Variants in FSTL5 observed in about 807,000 individuals in gnomAD.
The protein encoded by FSTL5 is follistatin-related protein 5.
A neutral mutation model predicts 89.1 loss-of-function variants in FSTL5; 62 were observed. That is an observed-to-expected ratio of 0.70 (90% confidence interval 0.57 to 0.86). The LOEUF is 0.86. Ranked by LOEUF, FSTL5 falls within the 40% of genes least tolerant of loss-of-function variation. The probability of loss-of-function intolerance (pLI) is 0.00; values close to 1 mark genes in which losing one functional copy is unlikely to be tolerated. For missense variants in FSTL5, 1,057 were observed against 1,001.6 expected (o/e 1.06, Z -0.75); for synonymous variants, 383 against 346.2 (o/e 1.11, Z -1.18).
At chr4:162,074,959 C>T (rs768957591) in intron 2 of FSTL5, among the ~76,000 whole-genome samples, 1 of 151,598 alleles carries the variant, frequency 6.6e-6, no homozygotes, top group Non-Finnish European at 1.5e-5. Context: ...AATAAAGTGT[C>T]GAATAGCTCA....
At chr4:161,776,729 T>C (rs1002566226) in intron 4 of FSTL5, among the ~76,000 whole-genome samples, 2 of 151,830 alleles carry the variant, frequency 1.3e-5, no homozygotes, top group African/African-American at 4.8e-5. Context: ...AAATACATTA[T>C]GTACATAAAT....
chr4:161,401,883 G>A (rs930896137), intron 15 of FSTL5, among the ~76,000 whole-genome samples: 1 of 152,038 alleles, frequency 6.6e-6, no homozygotes, highest in Non-Finnish European at 1.5e-5. Flanking sequence ...CACTTGAATG[G>A]AAATTATATT....
intron 2 of FSTL5, among the ~76,000 whole-genome samples, chr4:162,036,150 A>G (rs1422052813): frequency 1.3e-5 from 2 of 152,072 alleles, no homozygotes; most frequent in Non-Finnish European, 2.9e-5. Flanking sequence ...TTCTATTGCT[A>G]AGGATTTACA....
intron 3 of FSTL5, among the ~76,000 whole-genome samples, chr4:161,936,349 T>C (rs1734431997): frequency 6.6e-6 from 1 of 152,216 alleles, no homozygotes; most frequent in South Asian, 2.1e-4. Flanking sequence ...TAATTTACTA[T>C]GGTATATTGA....
intron 4 of FSTL5, among the ~76,000 whole-genome samples, chr4:161,884,165 T>C (rs955162450): frequency 6.6e-6 from 1 of 152,140 alleles, no homozygotes; most frequent in Non-Finnish European, 1.5e-5. Context: ...TTCTCCTGCC[T>C]CAGCCTCCTG....
chr4:161,978,758 T>C (rs1009864003), intron 3 of FSTL5, among the ~76,000 whole-genome samples: 2 of 152,126 alleles, frequency 1.3e-5, no homozygotes, highest in East Asian at 3.9e-4. Flanking sequence ...ACTTGTCTTC[T>C]AGAATTTTCT....
chr4:162,071,344 T>C (rs1470774109), intron 2 of FSTL5, among the ~76,000 whole-genome samples: 1 of 151,576 alleles, frequency 6.6e-6, no homozygotes, highest in Admixed American at 6.6e-5. Context: ...CAGGAGTAAC[T>C]ATATTCATAT....
chr4:161,770,705 T>G (rs547280143), intron 5 of FSTL5, among the ~76,000 whole-genome samples: 196 of 152,122 alleles, frequency 1.3e-3, no homozygotes, highest in Non-Finnish European at 2.5e-3. Flanking sequence ...TGCATGAATT[T>G]AAGTATATAA....
At chr4:161,756,685 C>T (rs1253730396) in intron 6 of FSTL5, among the ~76,000 whole-genome samples, 3 of 152,012 alleles carry the variant, frequency 2.0e-5, no homozygotes, top group African/African-American at 7.2e-5. Flanking sequence ...CAGGTGCAAG[C>T]AGTAGTATTT....
At chr4:162,011,040 G>A (rs998672868) in intron 3 of FSTL5, among the ~76,000 whole-genome samples, 1 of 152,084 alleles carries the variant, frequency 6.6e-6, no homozygotes. Flanking sequence ...ATAAAATCCA[G>A]GAACATCAGA....
At chr4:161,471,126 C>CT (rs1578859027) in intron 13 of FSTL5, among the ~76,000 whole-genome samples, 1 of 152,192 alleles carries the variant, frequency 6.6e-6, no homozygotes, top group East Asian at 1.9e-4. Context: ...GTAGAAGTGG[C>CT]AAAAGTGGGC....
chr4:161,746,383 C>T (rs1341721753), intron 6 of FSTL5, among the ~76,000 whole-genome samples: 1 of 152,128 alleles, frequency 6.6e-6, no homozygotes, highest in African/African-American at 2.4e-5. Flanking sequence ...TCCACTTGTT[C>T]AAGCCCTCAA....
At chr4:161,836,501 T>C (rs1276433837) in intron 4 of FSTL5, among the ~76,000 whole-genome samples, 1 of 147,912 alleles carries the variant, frequency 6.8e-6, no homozygotes, top group Non-Finnish European at 1.5e-5. Context: ...AAGTAAGAAA[T>C]GTTCCTGCAC....
intron 7 of FSTL5, among the ~76,000 whole-genome samples, chr4:161,607,235 C>A (rs375273095): frequency 6.6e-6 from 1 of 152,048 alleles, no homozygotes. Flanking sequence ...AGAAAAAAAT[C>A]GTAAGACTTG....
intron 10 of FSTL5, among the ~76,000 whole-genome samples, chr4:161,535,783 A>G (rs923972466): frequency 6.6e-6 from 1 of 152,106 alleles, no homozygotes; most frequent in Non-Finnish European, 1.5e-5. Context: ...AGACACATGC[A>G]CTTGCATGTT....
At position 162,006,828 on chromosome 4, in the gene FSTL5, T is replaced by C. The variant is rs566158711; in HGVS notation, c.160+26797A>G. 5.9e-5 allele frequency among the ~76,000 whole-genome samples: 9 copies of C among 152,114 alleles called. No individual in the cohort carries two copies. The East Asian group carries it at 1.7e-3, about 29-fold the overall frequency. On this transcript the variant is annotated intron_variant, in intron 3 of 15. Coordinates refer to ENST00000306100, the MANE Select transcript of FSTL5 (RefSeq NM_020116.5). ...ATTTACTAATTTTGTGGTAGATATT[T>C]TCAAATAATGAATATTTGCAAAAAC...
intron 4 of FSTL5, among the ~76,000 whole-genome samples, chr4:161,875,657 G>A (rs990367802): frequency 2.0e-5 from 3 of 152,126 alleles, no homozygotes; most frequent in African/African-American, 7.2e-5. Flanking sequence ...TTCCTCTGTT[G>A]CTTCATTCAT....
chr4:161,889,593 A>G (rs1822094), intron 4 of FSTL5, among the ~76,000 whole-genome samples: 126,815 of 152,152 alleles, frequency 0.83, 53,483 homozygotes, highest in Non-Finnish European at 0.9. Flanking sequence ...GCAGTGAGCC[A>G]AGATCGTGCC....
intron 4 of FSTL5, among the ~76,000 whole-genome samples, chr4:161,792,175 G>A (rs1729499847): frequency 6.6e-6 from 1 of 152,120 alleles, no homozygotes; most frequent in Non-Finnish European, 1.5e-5. Flanking sequence ...GCCGAGCCCA[G>A]GCACTATCAT....
Sources: allele counts gnomAD v4.1 joint callset (sites outside exome capture counted in the v4.1 genomes callset), GRCh38; gene constraint gnomAD v4.1.1; transcripts MANE v1.5; gene names NCBI Gene and HGNC (gene_info 2026-07-23, HGNC 2026-07-21).